NPAS3: variants seen among roughly 807,000 people sequenced by gnomAD.
NPAS3 encodes neuronal PAS domain protein 3.
NPAS3 carries 14 observed loss-of-function variants against 73.1 expected under a neutral mutation model. The ratio of observed to expected loss-of-function variants is 0.19; its 90% CI spans 0.13 to 0.30. NPAS3 has a LOEUF of 0.30. Among genes scored for constraint, NPAS3 ranks in the 10% least tolerant of loss-of-function variants. The pLI, the probability that NPAS3 is intolerant of heterozygous loss-of-function variation, is 1.00. For missense variants in NPAS3, 1,096 were observed against 1,250.0 expected, an observed-to-expected ratio of 0.88 and a Z score of 1.86; for synonymous variants, 620 against 541.5, an observed-to-expected ratio of 1.14 and a Z score of -2.01.
chr14:32,986,442 A>G (rs1337879477), intron 1 of NPAS3, among the ~76,000 whole-genome samples: 1 of 152,112 alleles, frequency 6.6e-6, no homozygotes, highest in Admixed American at 6.5e-5. Context: ...ATTTCCTTTG[A>G]CTATCAGGAA....
At chr14:33,535,566 C>T (rs2054226201) in intron 4 of NPAS3, among the ~76,000 whole-genome samples, 1 of 152,142 alleles carries the variant, frequency 6.6e-6, no homozygotes, top group Non-Finnish European at 1.5e-5. Context: ...GGGTTAGTTC[C>T]CAACACATAG....
chr14:33,508,924 C>G (rs1313782365), intron 4 of NPAS3, among the ~76,000 whole-genome samples: 1 of 151,960 alleles, frequency 6.6e-6, no homozygotes, highest in East Asian at 1.9e-4. Context: ...CTTAGCTGCC[C>G]TGCGGTCTCT....
At chr14:33,584,736 G>A (rs1348919718) in intron 5 of NPAS3, among the ~76,000 whole-genome samples, 3 of 152,178 alleles carry the variant, frequency 2.0e-5, no homozygotes, top group East Asian at 1.9e-4. Context: ...TAATTTGACA[G>A]CATTTTTTTA....
In NPAS3 at chr14:33,544,788, T is replaced by TTATACATATATATATA. The variant is rs1555409892; in HGVS notation, c.469-15329_469-15328insCATATATATATATATA. ...GCATGTATGTGTTTATGTGTGTGTA[T>TTATACATATATATATA]TATATATATATATATATATATATGT... On this transcript the variant is annotated intron_variant, in intron 4 of 11. Transcript: ENST00000356141. Among the ~76,000 whole-genome samples, 13 of 63,256 alleles carry TTATACATATATATATA rather than the reference T, an allele frequency of 2.1e-4. 1 individual carries two copies. Among genetic ancestry groups the TTATACATATATATATA allele is most frequent in the African/African-American group, 9.5e-4 (11 of 11,562 alleles). 41.5% of individuals were successfully genotyped at this position (63,256 alleles called of 152,430 possible). A position where few individuals can be genotyped will look rare whatever the true frequency, so the allele number is the denominator to read the frequency against.
intron 4 of NPAS3, among the ~76,000 whole-genome samples, chr14:33,482,991 A>G (rs1337819234): frequency 2.0e-5 from 3 of 152,224 alleles, no homozygotes; most frequent in African/African-American, 7.2e-5. Context: ...TGTTAAGAAG[A>G]AAGACAATGC....
intron 1 of NPAS3, among the ~76,000 whole-genome samples, chr14:32,963,165 G>T (rs1333865913): frequency 6.6e-6 from 1 of 152,036 alleles, no homozygotes; most frequent in African/African-American, 2.4e-5. Flanking sequence ...TAAATAACTT[G>T]CTCCAAAAAG....
chr14:32,943,162 C>T (rs888504878), intron 1 of NPAS3, among the ~76,000 whole-genome samples: 3 of 151,990 alleles, frequency 2.0e-5, no homozygotes, highest in Non-Finnish European at 4.4e-5. Context: ...TTGAATTCAA[C>T]ATTATTCGAT....
chr14:33,047,152 G>T (rs2040538278), intron 1 of NPAS3, among the ~76,000 whole-genome samples: 1 of 152,096 alleles, frequency 6.6e-6, no homozygotes, highest in South Asian at 2.1e-4. Context: ...CTGAGAAAGG[G>T]TATTGTGATT....
At chr14:32,949,477 A>G (rs1382037066) in intron 1 of NPAS3, among the ~76,000 whole-genome samples, 1 of 152,068 alleles carries the variant, frequency 6.6e-6, no homozygotes, top group Non-Finnish European at 1.5e-5. Context: ...TAAACCAGTA[A>G]TGAAATACTT....
At chr14:33,461,008 A>G (rs531447200) in intron 4 of NPAS3, among the ~76,000 whole-genome samples, 42 of 152,212 alleles carry the variant, frequency 2.8e-4, no homozygotes, top group Admixed American at 5.9e-4. Context: ...TGAACTGCTC[A>G]CCATATCAAC....
At chr14:33,526,054 A>T (rs1346223771) in intron 4 of NPAS3, among the ~76,000 whole-genome samples, 1 of 152,174 alleles carries the variant, frequency 6.6e-6, no homozygotes, top group African/African-American at 2.4e-5. Flanking sequence ...ATTTAAAAGG[A>T]GTGAAATAAT....
At chr14:33,270,425 A>G (rs1430792889) in intron 3 of NPAS3, among the ~76,000 whole-genome samples, 1 of 152,226 alleles carries the variant, frequency 6.6e-6, no homozygotes, top group African/African-American at 2.4e-5. Context: ...GATGATATTT[A>G]TAGTTATTAA....
intron 4 of NPAS3, among the ~76,000 whole-genome samples, chr14:33,496,636 G>C (rs78947042): frequency 9.9e-5 from 15 of 152,068 alleles, no homozygotes; most frequent in African/African-American, 3.6e-4. Context: ...AAAGGCCTTC[G>C]ATAAAATTCA....
chr14:33,466,445 A>T (rs1388171653), intron 4 of NPAS3, among the ~76,000 whole-genome samples: 1 of 152,226 alleles, frequency 6.6e-6, no homozygotes, highest in East Asian at 1.9e-4. Context: ...AAATACTATC[A>T]GCATTAGATC....
rs183266888 is a variant in NPAS3, at chr14:32,992,329, A to G, written c.50+52963A>G. On this transcript the variant is annotated intron_variant, in intron 1 of 11. Transcript: ENST00000356141. ...AGTAAATTTTGATGGTTTGGAAGCC[A>G]TTCTGTTTTCTTAAGATGACTTTGC... Among the ~76,000 whole-genome samples the G allele has an allele frequency of 1.8e-4, 28 of 152,294 alleles. 1 individual carries two copies. Among genetic ancestry groups the G allele is most frequent in the African/African-American group, 6.7e-4 (28 of 41,568 alleles).
At chr14:33,138,432 G>T (rs4982055) in intron 2 of NPAS3, among the ~76,000 whole-genome samples, 59,271 of 151,896 alleles carry the variant, frequency 0.39, 12,068 homozygotes, top group African/African-American at 0.51. Flanking sequence ...CATAAAACTT[G>T]TAAAGGATTG....
At chr14:32,942,926 GA>G (rs2036085891) in intron 1 of NPAS3, among the ~76,000 whole-genome samples, 1 of 152,128 alleles carries the variant, frequency 6.6e-6, no homozygotes, top group Non-Finnish European at 1.5e-5. Flanking sequence ...CTGTCAACAA[GA>G]ACTGTAATGC....
intron 2 of NPAS3, among the ~76,000 whole-genome samples, chr14:33,163,445 G>C (rs1040538616): frequency 6.6e-6 from 1 of 151,812 alleles, no homozygotes; most frequent in African/African-American, 2.4e-5. Flanking sequence ...GATATGTAGA[G>C]AGAAAGAATC....
chr14:33,409,312 A>C (rs2047812390), intron 4 of NPAS3, among the ~76,000 whole-genome samples: 1 of 152,202 alleles, frequency 6.6e-6, no homozygotes, highest in Non-Finnish European at 1.5e-5. Context: ...TTATCACAAA[A>C]GAATAATTCC....
Sources: allele counts gnomAD v4.1 joint callset (sites outside exome capture counted in the v4.1 genomes callset), GRCh38; gene constraint gnomAD v4.1.1; transcripts MANE v1.5; gene names NCBI Gene and HGNC (gene_info 2026-07-23, HGNC 2026-07-21).